SELENOI: variants seen among roughly 807,000 people sequenced by gnomAD.
SELENOI encodes ethanolaminephosphotransferase 1.
SELENOI carries 24 observed loss-of-function variants against 50.7 expected under a neutral mutation model. The observed-to-expected ratio is 0.47, with a 90% CI of 0.34 to 0.67. SELENOI has a LOEUF of 0.67. SELENOI is among the 30% of genes least tolerant of loss of function. The pLI, the probability that SELENOI is intolerant of heterozygous loss-of-function variation, is 0.01. For synonymous variants in SELENOI, 155 were observed against 170.2 expected (o/e 0.91, Z 0.70); for missense variants, 352 against 461.4 (o/e 0.76, Z 2.17).
rs1288148035 is a variant in SELENOI at position 26,367,283 on chromosome 2, A to T, written c.310+63A>T. 5 of 1,279,220 alleles carry T rather than the reference A, an allele frequency of 3.9e-6. No homozygotes were observed. The South Asian group carries it at 4.0e-5, about 10-fold the overall frequency. 79.2% of individuals were successfully genotyped at this position (1,279,220 alleles called of 1,614,324 possible). A position where few individuals can be genotyped will look rare whatever the true frequency, so the allele number is the denominator to read the frequency against. On this transcript the variant is annotated intron_variant, in intron 4 of 9. Coordinates refer to ENST00000260585, the MANE Select transcript of SELENOI (RefSeq NM_033505.4). ...GGTGAATCAGCAAGGATAGCCACGTATTAAAATAACATTTTCTCCTGTGCT... is the reference window on the plus strand; with the variant it reads ...GGTGAATCAGCAAGGATAGCCACGTTTTAAAATAACATTTTCTCCTGTGCT...
chr2:26,349,595 C>T (rs1368284444), intron 1 of SELENOI, among the ~76,000 whole-genome samples: 3 of 151,600 alleles, frequency 2.0e-5, no homozygotes, highest in East Asian at 1.9e-4. Flanking sequence ...CGTGAGCCAC[C>T]GTGCCCAGCC....
At chr2:26,371,147 CG>C (rs1172416457) in intron 4 of SELENOI, among the ~76,000 whole-genome samples, 2 of 137,844 alleles carry the variant, frequency 1.5e-5, no homozygotes, top group East Asian at 4.5e-4. Flanking sequence ...GCTGGGCTGG[CG>C]GGGGGCTGAC....
intron 6 of SELENOI, among the ~76,000 whole-genome samples, chr2:26,376,454 A>G (rs1479460704): frequency 6.6e-6 from 1 of 152,236 alleles, no homozygotes; most frequent in Non-Finnish European, 1.5e-5. Context: ...CCTCTGGTAT[A>G]TGAGACATAT....
In SELENOI at chr2:26,346,187, G is replaced by A. The variant is rs763633006; in HGVS notation, c.-46G>A. ...TGTGGTGCTTGTGTGTCACAGCCTT[G>A]TAGCCGGGAGTCGCTGCCGAGTGGG... On this transcript the variant is annotated 5_prime_UTR_variant, in exon 1 of 10. Transcript: ENST00000260585. 1 of 1,613,042 alleles carries A rather than the reference G, an allele frequency of 6.2e-7. No homozygotes were observed. The highest frequency in any genetic ancestry group is 8.5e-7 in the Non-Finnish European group (1 of 1,179,468).
Position 26,389,791 on chromosome 2 carries a change from G to T in SELENOI, c.*688G>T, listed in dbSNP as rs1334427292. 6.6e-6 allele frequency: 1 copy of T among 152,242 alleles called. No homozygotes were observed. The highest frequency in any genetic ancestry group is 2.4e-5 in the African/African-American group (1 of 41,362). The allele number at this position is 152,242 out of a possible 1,614,324, so 9.4% of individuals were successfully genotyped here. On this transcript the variant is annotated 3_prime_UTR_variant, in exon 10 of 10. Transcript: ENST00000260585. The stretch of plus-strand genomic sequence containing the variant: ...GTTGTAATTATCGCTCACCCATTGG[G>T]ATGGTTCATTGTTTAAATATGGCAT...
intron 3 of SELENOI, among the ~76,000 whole-genome samples, chr2:26,365,181 T>A (rs1677260882): frequency 6.6e-6 from 1 of 152,200 alleles, no homozygotes; most frequent in South Asian, 2.1e-4. Flanking sequence ...TAAAAATGAA[T>A]ACAAACAGGG....
chr2:26,349,497 G>A (rs1422495615), intron 1 of SELENOI, among the ~76,000 whole-genome samples: 1 of 150,412 alleles, frequency 6.6e-6, no homozygotes, highest in Non-Finnish European at 1.5e-5. Flanking sequence ...CTTTGAGACA[G>A]GGTTTCACAT....
At position 26,395,663 on chromosome 2, in the gene SELENOI, A is replaced by G. The variant is rs1475786696; in HGVS notation, c.*6560A>G. On this transcript the variant is annotated 3_prime_UTR_variant, in exon 10 of 10. Coordinates refer to ENST00000260585, the MANE Select transcript of SELENOI (RefSeq NM_033505.4). ...CGATGCATTTCATTGTTTTTGCATT[A>G]TCTGTATCAGTGTTTCCCATTGCTA... 6.6e-6 allele frequency: 1 copy of G among 152,628 alleles called. No individual in the cohort carries two copies. The highest frequency in any genetic ancestry group is 1.9e-4 in the East Asian group (1 of 5,192). 9.5% of individuals were successfully genotyped at this position (152,628 alleles called of 1,614,324 possible). A position where few individuals can be genotyped will look rare whatever the true frequency, so the allele number is the denominator to read the frequency against.
intron 1 of SELENOI, among the ~76,000 whole-genome samples, chr2:26,351,489 C>T (rs974839955): frequency 3.9e-5 from 6 of 152,110 alleles, no homozygotes; most frequent in South Asian, 4.1e-4. Context: ...TGAAAAATTA[C>T]GAGTGAAACT....
At chr2:26,382,311 A>G (rs1363517285) in intron 6 of SELENOI, among the ~76,000 whole-genome samples, 1 of 152,218 alleles carries the variant, frequency 6.6e-6, no homozygotes, top group Non-Finnish European at 1.5e-5. Flanking sequence ...AAGGACACAG[A>G]ATGAAATGGT....
intron 4 of SELENOI, among the ~76,000 whole-genome samples, chr2:26,371,741 A>G (rs1677456237): frequency 6.6e-6 from 1 of 152,238 alleles, no homozygotes; most frequent in Admixed American, 6.5e-5. Flanking sequence ...TGCGCCTGCA[A>G]TTGCAGGCAC....
chr2:26,380,906 T>C (rs1238868519), intron 6 of SELENOI, among the ~76,000 whole-genome samples: 1 of 152,226 alleles, frequency 6.6e-6, no homozygotes, highest in Non-Finnish European at 1.5e-5. Flanking sequence ...AAGAGCCGTT[T>C]GTATGTCCTT....
intron 1 of SELENOI, among the ~76,000 whole-genome samples, chr2:26,361,208 C>T (rs1044899439): frequency 7.9e-5 from 12 of 152,058 alleles, no homozygotes; most frequent in African/African-American, 2.2e-4. Flanking sequence ...AGTGAGACTC[C>T]GTCTCAAAAA....
chr2:26,370,484 G>A (rs1677394087), intron 4 of SELENOI, among the ~76,000 whole-genome samples: 1 of 150,290 alleles, frequency 6.7e-6, no homozygotes, highest in African/African-American at 2.4e-5. Context: ...GGCTGGGCGG[G>A]GGGCTGACCC....
intron 4 of SELENOI, 71 bp from the exon 5 acceptor site, chr2:26,373,296 G>A (rs1677497857): frequency 6.6e-7 from 1 of 1,509,202 alleles, no homozygotes; most frequent in Non-Finnish European, 8.9e-7. Context: ...TTTTCCTCCA[G>A]TTTATTAAAG....
chr2:26,353,167 C>T (rs1676995782), intron 1 of SELENOI, among the ~76,000 whole-genome samples: 2 of 152,060 alleles, frequency 1.3e-5, no homozygotes, highest in Admixed American at 6.6e-5. Flanking sequence ...AAGTGGTAGT[C>T]ACTGAGGCAG....
intron 4 of SELENOI, among the ~76,000 whole-genome samples, chr2:26,368,074 C>A (rs989252474): frequency 2.6e-5 from 4 of 152,134 alleles, no homozygotes; most frequent in African/African-American, 9.7e-5. Flanking sequence ...AAATAGCAGA[C>A]CCTGACTTCA....
intron 1 of SELENOI, among the ~76,000 whole-genome samples, chr2:26,354,457 G>A (rs1195921028): frequency 5.3e-5 from 8 of 152,094 alleles, no homozygotes; most frequent in African/African-American, 1.9e-4. Flanking sequence ...TGCGATCTCG[G>A]CTCACTGCAA....
intron 4 of SELENOI, among the ~76,000 whole-genome samples, chr2:26,367,756 T>G (rs1418332312): frequency 6.6e-6 from 1 of 152,212 alleles, no homozygotes; most frequent in Non-Finnish European, 1.5e-5. Flanking sequence ...AATTCTTTTT[T>G]GGTACAGGGA....
Sources: gnomAD v4.1 joint callset for allele counts (sites outside exome capture counted in the v4.1 genomes callset) on GRCh38, gnomAD v4.1.1 for gene constraint, MANE v1.5 for transcripts, NCBI Gene and HGNC (gene_info 2026-07-23, HGNC 2026-07-21) for gene names.